Variants in COPA observed in about 807,000 individuals in gnomAD.
COPA encodes coatomer subunit alpha.
In COPA, 10 loss-of-function variants were observed where a neutral mutation model predicts 158.7. That is an observed-to-expected ratio of 0.06 (90% confidence interval 0.04 to 0.11). The LOEUF is 0.11. COPA is among the 10% of genes least tolerant of loss of function. The pLI, the probability that COPA is intolerant of heterozygous loss-of-function variation, is 1.00. For missense variants in COPA, 1,065 were observed against 1,536.7 expected (o/e 0.69, Z 5.13); for synonymous variants, 462 against 542.8 (o/e 0.85, Z 2.07).
chr1:160,336,977 A>C (rs1274527297), intron 3 of COPA, among the ~76,000 whole-genome samples: 2 of 152,220 alleles, frequency 1.3e-5, no homozygotes, highest in East Asian at 3.8e-4. Flanking sequence ...ATGTATGGAA[A>C]TAAGAATAAC....
intron 23 of COPA, among the ~76,000 whole-genome samples, chr1:160,295,517 G>T (rs922826613): frequency 6.6e-6 from 1 of 152,144 alleles, no homozygotes; most frequent in African/African-American, 2.4e-5. Flanking sequence ...GGTAGTAGAG[G>T]GATCCCTTTT....
intron 6 of COPA, among the ~76,000 whole-genome samples, chr1:160,329,848 C>A (rs1057098292): frequency 1.3e-5 from 2 of 152,144 alleles, no homozygotes. Flanking sequence ...GGCAGTGGCT[C>A]GTGCTTGTAA....
chr1:160,326,950 T>C lies in COPA; in HGVS notation c.497-1298A>G, dbSNP rs546494773. On this transcript the variant is annotated intron_variant, in intron 6 of 32. Coordinates refer to ENST00000241704, the MANE Select transcript of COPA (RefSeq NM_004371.4). ...AAGTAAATCTATCTTTAAAAGCTATTTGTGCTATAGTCAGAACCAAAATTA... is the reference window on the plus strand; with the variant it reads ...AAGTAAATCTATCTTTAAAAGCTATCTGTGCTATAGTCAGAACCAAAATTA... Among the ~76,000 whole-genome samples, 13 of 152,354 alleles carry C rather than the reference T, an allele frequency of 8.5e-5. 1 individual carries two copies. In the South Asian group the frequency reaches 2.7e-3, roughly 32 times the overall value.
intron 8 of COPA, chr1:160,317,710 T>C (rs531984712): frequency 9.8e-6 from 14 of 1,425,634 alleles, no homozygotes; most frequent in African/African-American, 7.0e-5. Flanking sequence ...AGTTTAGATA[T>C]TCTTTTTATT....
At chr1:160,305,188 C>T (rs531269083) in intron 17 of COPA, 2 of 348,642 alleles carry the variant, frequency 5.7e-6, no homozygotes, top group East Asian at 4.9e-5. Flanking sequence ...GGTAGTTATG[C>T]TGATGTTCAC....
chr1:160,327,739 T>G (rs759989323), intron 6 of COPA, among the ~76,000 whole-genome samples: 28 of 151,800 alleles, frequency 1.8e-4, no homozygotes, highest in Non-Finnish European at 2.9e-4. Context: ...ATGCCTGTAA[T>G]CCCAGCTACC....
intron 6 of COPA, among the ~76,000 whole-genome samples, chr1:160,331,159 G>A (rs564651925): frequency 1.3e-5 from 2 of 152,188 alleles, no homozygotes; most frequent in African/African-American, 2.4e-5. Context: ...AACATGAAGC[G>A]CTTCCATAGG....
At chr1:160,306,636 C>T in intron 14 of COPA, 143 bp from the exon 15 acceptor site, 1 of 968,656 alleles carries the variant, frequency 1.0e-6, no homozygotes, top group Non-Finnish European at 1.6e-6. Flanking sequence ...CCACTGCAGA[C>T]AGACCATGCC....
At chr1:160,294,071 T>G (rs1381137120) in intron 25 of COPA, among the ~76,000 whole-genome samples, 1 of 152,208 alleles carries the variant, frequency 6.6e-6, no homozygotes, top group Non-Finnish European at 1.5e-5. Context: ...AGATTAGAGA[T>G]AAGTCCTACA....
In COPA at chr1:160,313,975, T is replaced by G; in HGVS notation, c.842+15A>C. The G allele has an allele frequency of 6.3e-7, 1 of 1,596,044 alleles. No individual in the cohort carries two copies. Among genetic ancestry groups the G allele is most frequent in the Non-Finnish European group, 8.5e-7 (1 of 1,171,638 alleles). On this transcript the variant is annotated intron_variant, in intron 9 of 32. Transcript: ENST00000241704. The stretch of plus-strand genomic sequence containing the variant: ...GAGTAAGAGAAAGTTCACACAACAC[T>G]GAGGACTACCTTACCGCTTAGACAT...
At chr1:160,312,338 G>T in intron 10 of COPA, among the ~76,000 whole-genome samples, 1 of 152,092 alleles carries the variant, frequency 6.6e-6, no homozygotes, top group East Asian at 1.9e-4. Flanking sequence ...CACCCACATT[G>T]TAACATGAAT....
chr1:160,299,421 T>C, intron 17 of COPA, 157 bp from the exon 18 acceptor site: 1 of 659,806 alleles, frequency 1.5e-6, no homozygotes, highest in South Asian at 2.3e-5. Context: ...ATGCCAAATT[T>C]ATCATATTCT....
chr1:160,291,470 G>A lies in COPA; in HGVS notation c.3285C>T (p.Asn1095=), dbSNP rs1658228814. 6.2e-7 allele frequency: 1 copy of A among 1,613,990 alleles called. No homozygotes were observed. Among genetic ancestry groups the A allele is most frequent in the Non-Finnish European group, 8.5e-7 (1 of 1,179,880 alleles). Residue 1095 remains asparagine (N), a synonymous_variant, in exon 31 of 33, where the codon AAC becomes AAT. Transcript: ENST00000241704. ...CEMAAYFTHS[N]LQPVHMILVL... Reference sequence around the variant, plus strand: ...CCAGGATCATGTGCACAGGCTGCAGGTTTGAGTGGGTGAAATAGGCTGCCA... The same window carrying A: ...CCAGGATCATGTGCACAGGCTGCAGATTTGAGTGGGTGAAATAGGCTGCCA...
intron 8 of COPA, 110 bp downstream of exon 8, chr1:160,323,321 A>T: frequency 1.6e-6 from 1 of 619,452 alleles, no homozygotes; most frequent in Non-Finnish European, 2.6e-6. Context: ...GATTAGCATT[A>T]ATTAATCACC....
chr1:160,340,718 G>A (rs564679597), intron 1 of COPA, among the ~76,000 whole-genome samples: 1 of 152,324 alleles, frequency 6.6e-6, no homozygotes, highest in African/African-American at 2.4e-5. Context: ...CAGTTCACTA[G>A]TGTGAACTCT....
intron 8 of COPA, 48 bp from the exon 9 acceptor site, chr1:160,314,173 CTT>C: frequency 6.4e-7 from 1 of 1,568,334 alleles, no homozygotes; most frequent in South Asian, 1.2e-5. Context: ...ACTACTATAA[CTT>C]TAGGATTTGG....
chr1:160,291,697 A>G, intron 30 of COPA, 122 bp downstream of exon 30: 1 of 1,156,864 alleles, frequency 8.6e-7, no homozygotes, highest in Non-Finnish European at 1.2e-6. Flanking sequence ...CCTCATAGAA[A>G]TGAAGGGCCT....
chr1:160,336,288 G>A (rs1647756694), intron 3 of COPA, among the ~76,000 whole-genome samples: 2 of 149,880 alleles, frequency 1.3e-5, no homozygotes, highest in South Asian at 2.1e-4. Flanking sequence ...AGTTGAGATC[G>A]CTCCACTGCA....
intron 3 of COPA, among the ~76,000 whole-genome samples, chr1:160,338,193 T>C (rs1334997281): frequency 6.6e-6 from 1 of 152,246 alleles, no homozygotes; most frequent in Admixed American, 6.5e-5. Context: ...TGATACTCAA[T>C]GTTCATCACT....
Sources: gnomAD v4.1 joint callset for allele counts (sites outside exome capture counted in the v4.1 genomes callset) on GRCh38, gnomAD v4.1.1 for gene constraint, MANE v1.5 for transcripts, NCBI Gene and HGNC (gene_info 2026-07-23, HGNC 2026-07-21) for gene names.